Variants in RAD52 observed in about 807,000 individuals in gnomAD.
RAD52 encodes the protein DNA repair protein RAD52 homolog.
In RAD52, 47 loss-of-function variants were observed where a neutral mutation model predicts 55.5. That is an observed-to-expected ratio of 0.85 (90% CI 0.67 to 1.08). The LOEUF is 1.08. Ranked by LOEUF, RAD52 falls within the 50% of genes least tolerant of loss-of-function variation. The pLI is 0.00. For synonymous variants in RAD52, 184 were observed against 198.9 expected (o/e 0.92, Z 0.63); for missense variants, 468 against 522.8 (o/e 0.90, Z 1.02).
chr12:952,110 C>A (rs565257187), upstream of RAD52, among the ~76,000 whole-genome samples: 1 of 152,156 alleles, frequency 6.6e-6, no homozygotes, highest in Non-Finnish European at 1.5e-5. Context: ...ATTACAGAGG[C>A]TACATGCCCA....
At chr12:962,342 C>T (rs377056509) in intron 1 of RAD52, among the ~76,000 whole-genome samples, 3,980 of 148,516 alleles carry the variant, frequency 0.027, 142 homozygotes, top group African/African-American at 0.074. Flanking sequence ...CGCTTTCTTT[C>T]CTTTTTTTTT....
chr12:961,974 T>C (rs1386044846), intron 1 of RAD52, among the ~76,000 whole-genome samples: 1 of 152,162 alleles, frequency 6.6e-6, no homozygotes, highest in African/African-American at 2.4e-5. Flanking sequence ...TGGCCATCTG[T>C]AAGCCAAGGA....
chr12:913,872 T>G, intron 11 of RAD52, 22 bp downstream of exon 11: 1 of 1,593,954 alleles, frequency 6.3e-7, no homozygotes. Flanking sequence ...TTAATTTTTG[T>G]GCCTAAACAC....
chr12:920,566 A>T (rs555485276), intron 7 of RAD52, among the ~76,000 whole-genome samples: 46 of 152,274 alleles, frequency 3.0e-4, no homozygotes, highest in African/African-American at 1.0e-3. Flanking sequence ...TCTCAAAAAA[A>T]AAAAAAAGAA....
intron 1 of RAD52, among the ~76,000 whole-genome samples, chr12:965,683 T>G (rs541328198): frequency 6.6e-6 from 1 of 151,942 alleles, no homozygotes; most frequent in East Asian, 1.9e-4. Flanking sequence ...AGTTGTTGTT[T>G]GTTTGCTTGG....
At chr12:957,937 G>C (rs61917206) in intron 1 of RAD52, among the ~76,000 whole-genome samples, 1 of 152,212 alleles carries the variant, frequency 6.6e-6, no homozygotes, top group Non-Finnish European at 1.5e-5. Context: ...GCTGAATCTC[G>C]TTGTGGGCAG....
chr12:949,948 GC>G (rs1041720526), upstream of RAD52, among the ~76,000 whole-genome samples: 1 of 152,196 alleles, frequency 6.6e-6, no homozygotes, highest in African/African-American at 2.4e-5. Context: ...TCGGTCCGCG[GC>G]CGTCGGATCT....
At chr12:914,323 C>A (rs1956242955) in intron 10 of RAD52, 108 bp downstream of exon 10, 2 of 1,493,444 alleles carry the variant, frequency 1.3e-6, no homozygotes, top group Admixed American at 2.2e-5. Context: ...GCCAGAACCC[C>A]CTCAACAAAA....
Position 929,800 on chromosome 12 carries a change from G to T in RAD52, c.348+19C>A, listed in dbSNP as rs772916819. 1 of 1,605,636 alleles carries T rather than the reference G, an allele frequency of 6.2e-7. No individual in the cohort carries two copies. The highest frequency in any genetic ancestry group is 8.5e-7 in the Non-Finnish European group (1 of 1,173,288). On this transcript the variant is annotated intron_variant, in intron 5 of 11. Coordinates refer to ENST00000358495, the MANE Select transcript of RAD52 (RefSeq NM_134424.4). ...ACCCACTGATCCTTCCGGGCAGCAGGTCTACTCCATCCCCTCACCTTCAGC... is the reference window on the plus strand; with the variant it reads ...ACCCACTGATCCTTCCGGGCAGCAGTTCTACTCCATCCCCTCACCTTCAGC...
intron 9 of RAD52, among the ~76,000 whole-genome samples, chr12:915,408 A>G (rs903511226): frequency 7.2e-5 from 11 of 152,192 alleles, no homozygotes; most frequent in Admixed American, 6.5e-5. Context: ...CCAACCATGA[A>G]GCAAGTCCTC....
chr12:963,271 T>C (rs998861244), intron 1 of RAD52, among the ~76,000 whole-genome samples: 1 of 152,238 alleles, frequency 6.6e-6, no homozygotes, highest in Non-Finnish European at 1.5e-5. Flanking sequence ...GTAAACAGTG[T>C]TAATACCTCT....
chr12:956,879 A>G (rs997158027), intron 1 of RAD52, among the ~76,000 whole-genome samples: 2 of 152,192 alleles, frequency 1.3e-5, no homozygotes, highest in African/African-American at 4.8e-5. Flanking sequence ...AGAATAAATA[A>G]CATCTACTAG....
intron 1 of RAD52, among the ~76,000 whole-genome samples, chr12:961,282 C>G (rs984557373): frequency 3.8e-5 from 4 of 104,372 alleles, no homozygotes; most frequent in African/African-American, 1.3e-4. Context: ...TGCACTCCAG[C>G]CTGGGTGACA....
intron 1 of RAD52, among the ~76,000 whole-genome samples, chr12:978,560 G>A (rs1958965802): frequency 6.6e-6 from 1 of 152,022 alleles, no homozygotes; most frequent in African/African-American, 2.4e-5. Flanking sequence ...TAGCATTTTG[G>A]GAGTCCAAGG....
chr12:916,852 A>T, intron 7 of RAD52, 32 bp from the exon 8 acceptor site: 1 of 1,584,308 alleles, frequency 6.3e-7, no homozygotes, highest in African/African-American at 1.3e-5. Context: ...AAATTCCTTC[A>T]ACTGGCTCTT....
At chr12:930,783 A>G (rs11571412) in intron 3 of RAD52, among the ~76,000 whole-genome samples, 6,445 of 152,096 alleles carry the variant, frequency 0.042, 338 homozygotes, top group African/African-American at 0.12. Flanking sequence ...CCTGGGCAAC[A>G]TGGCGAGATG....
intron 1 of RAD52, among the ~76,000 whole-genome samples, chr12:960,603 T>C (rs918344153): frequency 6.6e-6 from 1 of 152,184 alleles, no homozygotes; most frequent in Non-Finnish European, 1.5e-5. Context: ...GCTGGGACTA[T>C]AGGCACATGC....
intron 1 of RAD52, among the ~76,000 whole-genome samples, chr12:947,712 C>G (rs949590238): frequency 1.4e-4 from 21 of 151,354 alleles, no homozygotes; most frequent in Non-Finnish European, 2.5e-4. Flanking sequence ...CATGGTGAAA[C>G]CCTGTCTCTA....
At chr12:916,557 G>A (rs2154108703) in intron 8 of RAD52, 74 bp from the exon 9 acceptor site, 1 of 1,600,390 alleles carries the variant, frequency 6.2e-7, no homozygotes. Context: ...CGCACGGCTG[G>A]CTGGCTCTGG....
Sources: allele counts gnomAD v4.1 joint callset (sites outside exome capture counted in the v4.1 genomes callset), GRCh38; gene constraint gnomAD v4.1.1; transcripts MANE v1.5; gene names NCBI Gene and HGNC (gene_info 2026-07-23, HGNC 2026-07-21).